Variants in UBASH3B observed in about 807,000 individuals in gnomAD.
UBASH3B encodes the protein ubiquitin associated and SH3 domain containing B.
A neutral mutation model predicts 83.4 loss-of-function variants in UBASH3B; 37 were observed. That is an observed-to-expected ratio of 0.44 (90% confidence interval 0.34 to 0.58). The LOEUF (loss-of-function observed/expected upper bound fraction) is 0.58. UBASH3B is among the 20% of genes least tolerant of loss of function. UBASH3B has a pLI of 0.01. For missense variants in UBASH3B, 657 were observed against 827.2 expected, an observed-to-expected ratio of 0.79 and a Z score of 2.52; for synonymous variants, 304 against 318.3, an observed-to-expected ratio of 0.96 and a Z score of 0.48.
chr11:122,710,405 T>G (rs1176471808), intron 1 of UBASH3B, among the ~76,000 whole-genome samples: 1 of 152,184 alleles, frequency 6.6e-6, no homozygotes, highest in African/African-American at 2.4e-5. Flanking sequence ...TTGTGCTGCC[T>G]TCTGCACACA....
chr11:122,685,459 G>T (rs1449864806), intron 1 of UBASH3B, among the ~76,000 whole-genome samples: 1 of 152,186 alleles, frequency 6.6e-6, no homozygotes, highest in African/African-American at 2.4e-5. Context: ...AGGCAGAGAT[G>T]GAGTTTTCAA....
intron 1 of UBASH3B, among the ~76,000 whole-genome samples, chr11:122,662,972 CTTTTTT>C (rs568564848): frequency 8.6e-4 from 95 of 110,590 alleles, no homozygotes; most frequent in African/African-American, 3.5e-3. Context: ...GCGCTAATGT[CTTTTTT>C]TTTTTTTTTT....
intron 1 of UBASH3B, among the ~76,000 whole-genome samples, chr11:122,760,550 A>G (rs1861353971): frequency 6.6e-6 from 1 of 152,056 alleles, no homozygotes; most frequent in African/African-American, 2.4e-5. Flanking sequence ...TTTAGTAGAG[A>G]CGGGGTTTCA....
At chr11:122,770,375 C>G (rs1161890371) in intron 1 of UBASH3B, among the ~76,000 whole-genome samples, 1 of 151,996 alleles carries the variant, frequency 6.6e-6, no homozygotes, top group Non-Finnish European at 1.5e-5. Flanking sequence ...TAGGGGAACT[C>G]TCTTCTGAAG....
At chr11:122,748,405 C>T (rs1207426469) in intron 1 of UBASH3B, among the ~76,000 whole-genome samples, 1 of 152,168 alleles carries the variant, frequency 6.6e-6, no homozygotes, top group Non-Finnish European at 1.5e-5. Context: ...TGGTTTCATC[C>T]CAGCTGCCCC....
chr11:122,798,966 C>T lies in UBASH3B; in HGVS notation c.1382C>T (p.Thr461Ile). The T allele has an allele frequency of 6.2e-7, 1 of 1,613,892 alleles. No individual in the cohort carries two copies. The highest frequency in any genetic ancestry group is 8.5e-7 in the Non-Finnish European group (1 of 1,179,918). The change falls in exon 10 of 14, where the codon ACC (threonine) becomes ATC (isoleucine). Residue 461 changes from threonine to isoleucine, a missense_variant. By Grantham distance (89) the Thr-to-Ile change is moderately conservative (BLOSUM62 -1). This residue lies in a region of UBASH3B where 573 missense variants were observed against 739.0 expected (regional missense o/e 0.78). Coordinates refer to ENST00000284273, the MANE Select transcript of UBASH3B (RefSeq NM_032873.5). ...GGTGAAGCCTTATTAGAGAGCAATACCATTATCGATCATGTCTATTGCTCC... is the reference window on the plus strand; with the variant it reads ...GGTGAAGCCTTATTAGAGAGCAATATCATTATCGATCATGTCTATTGCTCC... ...LVGEALLESNTIIDHVYCSPS... is the reference protein window; with the variant it reads ...LVGEALLESNIIIDHVYCSPS...
chr11:122,812,584 A>C lies in UBASH3B; in HGVS notation c.*2698A>C, dbSNP rs764797563. On this transcript the variant is annotated 3_prime_UTR_variant, in exon 14 of 14. Transcript: ENST00000284273. Reference sequence around the variant, plus strand: ...AAGAAGCAAATGGTTTCTTGTACAGAGGAATTTTGTTTTAATGTAGAAAGT... The same window carrying C: ...AAGAAGCAAATGGTTTCTTGTACAGCGGAATTTTGTTTTAATGTAGAAAGT... 2.0e-5 allele frequency: 3 copies of C among 152,226 alleles called. No individual in the cohort carries two copies. Among genetic ancestry groups the C allele is most frequent in the Non-Finnish European group, 4.4e-5 (3 of 68,042 alleles). The allele number at this position is 152,226 out of a possible 1,614,324, so 9.4% of individuals were successfully genotyped here. A position where few individuals can be genotyped will look rare whatever the true frequency, so the allele number is the denominator to read the frequency against.
intron 1 of UBASH3B, among the ~76,000 whole-genome samples, chr11:122,705,454 T>TAAAA (rs60998227): frequency 1.7e-5 from 1 of 59,542 alleles, no homozygotes; most frequent in Non-Finnish European, 3.5e-5. Flanking sequence ...TCGAAAAACA[T>TAAAA]AAAAAAAAAA....
intron 1 of UBASH3B, among the ~76,000 whole-genome samples, chr11:122,695,255 C>T (rs1591773054): frequency 6.6e-6 from 1 of 152,182 alleles, no homozygotes; most frequent in Admixed American, 6.6e-5. Context: ...TGAGCCACCG[C>T]GCCCGGCCCA....
chr11:122,770,102 T>C (rs532910781), intron 1 of UBASH3B, among the ~76,000 whole-genome samples: 1 of 152,330 alleles, frequency 6.6e-6, no homozygotes, highest in East Asian at 1.9e-4. Flanking sequence ...ATTTCCTAAG[T>C]GAACAAGTCC....
At chr11:122,732,169 G>A (rs1215891628) in intron 1 of UBASH3B, among the ~76,000 whole-genome samples, 1 of 152,088 alleles carries the variant, frequency 6.6e-6, no homozygotes, top group African/African-American at 2.4e-5. Flanking sequence ...CATCTTCTTG[G>A]GGTACCCATA....
chr11:122,766,796 A>G (rs1455109122), intron 1 of UBASH3B, among the ~76,000 whole-genome samples: 4 of 152,222 alleles, frequency 2.6e-5, no homozygotes, highest in East Asian at 1.9e-4. Flanking sequence ...AATAGGATAT[A>G]GTAACAAACA....
At chr11:122,695,252 C>A (rs1446107371) in intron 1 of UBASH3B, among the ~76,000 whole-genome samples, 1 of 152,188 alleles carries the variant, frequency 6.6e-6, no homozygotes, top group African/African-American at 2.4e-5. Context: ...GCGTGAGCCA[C>A]CGCGCCCGGC....
chr11:122,705,649 C>T lies in UBASH3B; in HGVS notation c.161+49439C>T, dbSNP rs147695645. 1.5e-3 allele frequency among the ~76,000 whole-genome samples: 232 copies of T among 152,180 alleles called. 1 individual carries two copies. Among genetic ancestry groups the T allele is most frequent in the African/African-American group, 5.1e-3 (211 of 41,522 alleles). On this transcript the variant is annotated intron_variant, in intron 1 of 13. Transcript: ENST00000284273. ...GGAGGACTATTGCCCCAGGCGCTAC[C>T]GTCACAAATGTGCTTGTGGCTTCTG...
At chr11:122,775,119 C>T (rs2135137653) in intron 1 of UBASH3B, among the ~76,000 whole-genome samples, 1 of 152,302 alleles carries the variant, frequency 6.6e-6, no homozygotes, top group Admixed American at 6.5e-5. Context: ...TACTGTATTC[C>T]TAGAGCCTAG....
intron 13 of UBASH3B, among the ~76,000 whole-genome samples, chr11:122,808,705 C>T (rs765113164): frequency 6.6e-6 from 1 of 152,200 alleles, no homozygotes; most frequent in Non-Finnish European, 1.5e-5. Flanking sequence ...TGGTCAGCTG[C>T]CTCCCACACA....
At chr11:122,756,957 G>T (rs1317701257) in intron 1 of UBASH3B, among the ~76,000 whole-genome samples, 2 of 152,218 alleles carry the variant, frequency 1.3e-5, no homozygotes, top group African/African-American at 4.8e-5. Context: ...GCCTCCGCGG[G>T]TCTTAGTTCC....
chr11:122,739,566 G>A (rs1238048474), intron 1 of UBASH3B, among the ~76,000 whole-genome samples: 1 of 152,152 alleles, frequency 6.6e-6, no homozygotes, highest in African/African-American at 2.4e-5. Context: ...GGTATCCATG[G>A]TCGGGTATTG....
At chr11:122,674,784 AG>A (rs1863646695) in intron 1 of UBASH3B, among the ~76,000 whole-genome samples, 1 of 140,186 alleles carries the variant, frequency 7.1e-6, no homozygotes, top group Non-Finnish European at 1.5e-5. Context: ...GCTGGAGTGC[AG>A]TGGCACAATC....
Sources: gnomAD v4.1 joint callset for allele counts (sites outside exome capture counted in the v4.1 genomes callset) on GRCh38, gnomAD v4.1.1 for gene constraint, gnomAD v4.1.1 regional missense constraint, MANE v1.5 for transcripts, NCBI Gene and HGNC (gene_info 2026-07-23, HGNC 2026-07-21) for gene names.